Variants in RRAS2 observed in about 807,000 individuals in gnomAD.
RRAS2 encodes the protein RAS related 2.
In RRAS2, 7 loss-of-function variants were observed where a neutral mutation model predicts 27.6. That is an observed-to-expected ratio of 0.25 (90% CI 0.14 to 0.48). RRAS2 has a LOEUF of 0.48. Among genes scored for constraint, RRAS2 ranks in the 20% least tolerant of loss-of-function variants. RRAS2 has a pLI of 0.99. For missense variants in RRAS2, 178 were observed against 256.2 expected, an observed-to-expected ratio of 0.69 and a Z score of 2.08; for synonymous variants, 86 against 90.9, an observed-to-expected ratio of 0.95 and a Z score of 0.31.
At chr11:14,302,646 T>G (rs1286042272) in intron 1 of RRAS2, among the ~76,000 whole-genome samples, 9 of 151,862 alleles carry the variant, frequency 5.9e-5, no homozygotes. Context: ...TCCCAGGGAG[T>G]AGGGGGAAGC....
intron 1 of RRAS2, among the ~76,000 whole-genome samples, chr11:14,307,670 T>C (rs1187701646): frequency 6.6e-6 from 1 of 152,014 alleles, no homozygotes; most frequent in Non-Finnish European, 1.5e-5. Context: ...TAACCTGCCA[T>C]ACTAACATAG....
intron 1 of RRAS2, among the ~76,000 whole-genome samples, chr11:14,332,978 T>TA (rs1467546179): frequency 5.9e-5 from 9 of 152,174 alleles, no homozygotes; most frequent in African/African-American, 2.2e-4. Flanking sequence ...TACACCATTG[T>TA]AAAAACTTTA....
intron 1 of RRAS2, among the ~76,000 whole-genome samples, chr11:14,340,264 T>A (rs1591483349): frequency 6.6e-6 from 1 of 151,792 alleles, no homozygotes; most frequent in African/African-American, 2.4e-5. Context: ...GCCCAGCTAA[T>A]TTTTTGTATT....
chr11:14,306,057 C>T (rs1847820790), intron 1 of RRAS2, among the ~76,000 whole-genome samples: 1 of 148,092 alleles, frequency 6.8e-6, no homozygotes, highest in Non-Finnish European at 1.5e-5. Context: ...ACCGCCGCCC[C>T]CACCCCAACA....
At chr11:14,298,243 A>G (rs1847610038) in intron 1 of RRAS2, among the ~76,000 whole-genome samples, 1 of 152,074 alleles carries the variant, frequency 6.6e-6, no homozygotes, top group Non-Finnish European at 1.5e-5. Flanking sequence ...TTCACTGACT[A>G]CTCCCAGCTG....
intron 1 of RRAS2, among the ~76,000 whole-genome samples, chr11:14,328,410 A>T (rs1848413688): frequency 6.6e-6 from 1 of 151,766 alleles, no homozygotes; most frequent in African/African-American, 2.4e-5. Flanking sequence ...ATAATGTAGC[A>T]AATTTAGTCA....
At chr11:14,333,892 A>G (rs192207202) in intron 1 of RRAS2, among the ~76,000 whole-genome samples, 159 of 152,302 alleles carry the variant, frequency 1.0e-3, no homozygotes, top group African/African-American at 3.7e-3. Context: ...CCCTCCACAA[A>G]GTGCTGGAAT....
intron 1 of RRAS2, among the ~76,000 whole-genome samples, chr11:14,304,672 A>T (rs549805522): frequency 9.2e-5 from 14 of 152,218 alleles, no homozygotes; most frequent in Non-Finnish European, 1.9e-4. Context: ...TGGGGAAAGA[A>T]GAATTAATTT....
In RRAS2 at chr11:14,313,111, A is replaced by T. The variant is rs140823598; in HGVS notation, c.109-17256T>A. ...AATTTTAAACTTTTATGTGGAGACA[A>T]ACATGATTCATATCAAAAGGAACTA... On this transcript the variant is annotated intron_variant, in intron 1 of 5. Coordinates refer to ENST00000256196, the MANE Select transcript of RRAS2 (RefSeq NM_012250.6). Among the ~76,000 whole-genome samples, 23 of 152,372 alleles carry T rather than the reference A, an allele frequency of 1.5e-4. No individual in the cohort carries two copies. The East Asian group carries it at 2.7e-3, about 18-fold the overall frequency.
intron 1 of RRAS2, among the ~76,000 whole-genome samples, chr11:14,305,659 C>T (rs1847812969): frequency 6.6e-6 from 1 of 152,148 alleles, no homozygotes; most frequent in Non-Finnish European, 1.5e-5. Context: ...AGAGATATTC[C>T]TTGAATTCCC....
intron 1 of RRAS2, among the ~76,000 whole-genome samples, chr11:14,329,936 G>C (rs994840082): frequency 6.6e-6 from 1 of 151,990 alleles, no homozygotes; most frequent in Admixed American, 6.5e-5. Flanking sequence ...TTAGCCAGGC[G>C]TGGTGACACA....
chr11:14,286,802 T>A (rs528280308), intron 4 of RRAS2, among the ~76,000 whole-genome samples: 1 of 152,228 alleles, frequency 6.6e-6, no homozygotes, highest in African/African-American at 2.4e-5. Flanking sequence ...AAATAACGTA[T>A]GTGCCACAAG....
At chr11:14,307,226 AC>A (rs1322961592) in intron 1 of RRAS2, among the ~76,000 whole-genome samples, 2 of 127,510 alleles carry the variant, frequency 1.6e-5, no homozygotes, top group African/African-American at 5.8e-5. Context: ...AAAACAAAAA[AC>A]AACAACAACA....
rs373036700 is a variant in RRAS2, at chr11:14,294,746, A to C, written c.299+14T>G. 6 of 1,607,590 alleles carry C rather than the reference A, an allele frequency of 3.7e-6. No individual in the cohort carries two copies. The highest frequency in any genetic ancestry group is 5.1e-6 in the Non-Finnish European group (6 of 1,174,486). ...GACAAGAACAGTGGATCTACATTCT[A>C]ATATGGTACAAACCTGCCTCTATCT... On this transcript the variant is annotated intron_variant, in intron 3 of 5. Coordinates refer to ENST00000256196, the MANE Select transcript of RRAS2 (RefSeq NM_012250.6).
chr11:14,318,715 T>G (rs1848164401), intron 1 of RRAS2, among the ~76,000 whole-genome samples: 1 of 152,204 alleles, frequency 6.6e-6, no homozygotes. Flanking sequence ...AAATGTTTCC[T>G]GAGGAAGGCA....
chr11:14,296,493 T>C (rs1032243197), intron 1 of RRAS2, among the ~76,000 whole-genome samples: 1 of 152,094 alleles, frequency 6.6e-6, no homozygotes, highest in African/African-American at 2.4e-5. Context: ...TCTAGAAAAA[T>C]TAGAAAACAC....
chr11:14,288,136 A>G (rs1332112359), intron 4 of RRAS2, among the ~76,000 whole-genome samples: 1 of 152,060 alleles, frequency 6.6e-6, no homozygotes, highest in Non-Finnish European at 1.5e-5. Context: ...ACGTGCCACC[A>G]TGCCTAATTT....
chr11:14,334,948 A>G (rs1848561588), intron 1 of RRAS2, among the ~76,000 whole-genome samples: 1 of 152,000 alleles, frequency 6.6e-6, no homozygotes, highest in Non-Finnish European at 1.5e-5. Context: ...TCCTCCATCA[A>G]CATTTTTCTT....
rs1276340846 is a variant in RRAS2 at position 14,358,474 on chromosome 11, G to A, written c.108+289C>T. ...GCCTCTCCCGGAGGTCTCTGGCCTC[G>A]GCCAGAGCAATAAGGTGGATCGGTG... On this transcript the variant is annotated intron_variant, in intron 1 of 5. Coordinates refer to ENST00000256196, the MANE Select transcript of RRAS2 (RefSeq NM_012250.6). This position sits in a 1 kb window ranked among gnomAD's most constrained non-coding sequence, Gnocchi z 5.1. 2 of 985,476 alleles carry A rather than the reference G, an allele frequency of 2.0e-6. No individual in the cohort carries two copies. The highest frequency in any genetic ancestry group is 3.5e-5 in the African/African-American group (2 of 57,328). The allele number at this position is 985,476 out of a possible 1,614,324, so 61.0% of individuals were successfully genotyped here.
Sources: allele counts gnomAD v4.1 joint callset (sites outside exome capture counted in the v4.1 genomes callset), GRCh38; gene constraint gnomAD v4.1.1; non-coding constraint Gnocchi (gnomAD v3.1); transcripts MANE v1.5; gene names NCBI Gene and HGNC (gene_info 2026-07-23, HGNC 2026-07-21).